JAKMIP1: variants seen among roughly 807,000 people sequenced by gnomAD.
JAKMIP1 encodes janus kinase and microtubule-interacting protein 1.
A neutral mutation model predicts 113.0 loss-of-function variants in JAKMIP1; 33 were observed. That is an observed-to-expected ratio of 0.29 (90% CI 0.22 to 0.39). The LOEUF is 0.39. Among genes scored for constraint, JAKMIP1 ranks in the 10% least tolerant of loss-of-function variants. The pLI is 1.00. For missense variants in JAKMIP1, 813 were observed against 1,080.5 expected (o/e 0.75, Z 3.47); for synonymous variants, 480 against 459.9 (o/e 1.04, Z -0.56).
At chr4:6,195,202 C>T (rs1471513785) in intron 1 of JAKMIP1, among the ~76,000 whole-genome samples, 1 of 152,194 alleles carries the variant, frequency 6.6e-6, no homozygotes, top group African/African-American at 2.4e-5. Context: ...TCAAAGCCTT[C>T]TCTGCTAAAT....
In JAKMIP1 at chr4:6,093,920, A is replaced by C. The variant is rs1298037336; in HGVS notation, c.625-8291T>G. 1.3e-5 allele frequency among the ~76,000 whole-genome samples: 2 copies of C among 152,084 alleles called. No individual in the cohort carries two copies. The highest frequency in any genetic ancestry group is 4.8e-5 in the African/African-American group (2 of 41,418). ...GAGTCCCACCTGCCCAGGAGGCTGC[A>C]AGTTCCCTCTTTTCTGCCACCCTGG... On this transcript the variant is annotated intron_variant, in intron 3 of 20. Coordinates refer to ENST00000409021, the MANE Select transcript of JAKMIP1 (RefSeq NM_001099433.2). This position sits in a 1 kb window ranked among gnomAD's most constrained non-coding sequence, Gnocchi z 4.6.
At position 6,106,228 on chromosome 4, in the gene JAKMIP1, C is replaced by G. The variant is rs1003533704; in HGVS notation, c.130-261G>C. On this transcript the variant is annotated intron_variant, in intron 2 of 20. Coordinates refer to ENST00000409021, the MANE Select transcript of JAKMIP1 (RefSeq NM_001099433.2). This position sits in a 1 kb window ranked among gnomAD's most constrained non-coding sequence, Gnocchi z 5.9. ...TGAGGATGCTGGAGAGGCATTCAAG[C>G]CTTTGACATCTCTTCCAGGTTGTAA... Among the ~76,000 whole-genome samples the G allele has an allele frequency of 5.9e-5, 9 of 152,346 alleles. No homozygotes were observed. Among genetic ancestry groups the G allele is most frequent in the Non-Finnish European group, 1.2e-4 (8 of 68,030 alleles).
At chr4:6,175,589 T>C (rs1442574759) in intron 1 of JAKMIP1, among the ~76,000 whole-genome samples, 1 of 152,162 alleles carries the variant, frequency 6.6e-6, no homozygotes, top group Non-Finnish European at 1.5e-5. Flanking sequence ...GAGATAAAAA[T>C]GGTAGCCTGC....
Position 6,129,561 on chromosome 4 carries a change from T to C in JAKMIP1, c.-147-16564A>G, listed in dbSNP as rs761391450. 6.6e-6 allele frequency among the ~76,000 whole-genome samples: 1 copy of C among 152,074 alleles called. No homozygotes were observed. Among genetic ancestry groups the C allele is most frequent in the Non-Finnish European group, 1.5e-5 (1 of 68,002 alleles). ...TGCCATGCTGGTACAGGGACCAGGA[T>C]ACCAAGCAGGACCCACCGTGCCCTG... is the stretch of plus-strand genomic sequence containing the variant. On this transcript the variant is annotated intron_variant, in intron 1 of 20. Coordinates refer to ENST00000409021, the MANE Select transcript of JAKMIP1 (RefSeq NM_001099433.2). This position sits in a 1 kb window ranked among gnomAD's most constrained non-coding sequence, Gnocchi z 5.4.
rs1717429353 is a variant in JAKMIP1, at chr4:6,062,422, C to T, written c.1450G>A (p.Ala484Thr). Residue 484 changes from alanine to threonine, a missense_variant, in exon 10 of 21, where the codon GCT (alanine) becomes ACT (threonine). Ala to Thr is a moderately conservative substitution (Grantham distance 58, BLOSUM62 0). Transcript: ENST00000409021. The stretch of plus-strand genomic sequence containing the variant: ...GTCAGCTGGCAGAAGCGCAGGTCAG[C>T]CTCCTCTCGGGCTGTGGCCTTCACA... ...DLDDATAREE[A>T]DLRFCQLTRE... is the part of the protein sequence containing the mutation. 2 of 1,613,678 alleles carry T rather than the reference C, an allele frequency of 1.2e-6. No homozygotes were observed. The highest frequency in any genetic ancestry group is 1.7e-6 in the Non-Finnish European group (2 of 1,179,826).
At position 6,042,623 on chromosome 4, in the gene JAKMIP1, G is replaced by C. The variant is rs1201090304; in HGVS notation, c.2029-396C>G. ...TCTCTTACGACCACCCCAAGCAGTA[G>C]GCAGCGTCACCCCTATTTTGCAGGT... On this transcript the variant is annotated intron_variant, in intron 16 of 20. Transcript: ENST00000409021. The surrounding 1 kb of genome is among the most constrained non-coding windows in gnomAD (Gnocchi z 5.2). Among the ~76,000 whole-genome samples the C allele has an allele frequency of 6.6e-6, 1 of 151,986 alleles. No individual in the cohort carries two copies. Among genetic ancestry groups the C allele is most frequent in the African/African-American group, 2.4e-5 (1 of 41,394 alleles).
At position 6,050,902 on chromosome 4, in the gene JAKMIP1, C is replaced by A. The variant is rs1042938665; in HGVS notation, c.1807-223G>T. Among the ~76,000 whole-genome samples, 1 of 152,212 alleles carries A rather than the reference C, an allele frequency of 6.6e-6. No individual in the cohort carries two copies. Among genetic ancestry groups the A allele is most frequent in the Non-Finnish European group, 1.5e-5 (1 of 68,052 alleles). On this transcript the variant is annotated intron_variant, in intron 13 of 20. Coordinates refer to ENST00000409021, the MANE Select transcript of JAKMIP1 (RefSeq NM_001099433.2). The surrounding 1 kb of genome is among the most constrained non-coding windows in gnomAD (Gnocchi z 7.4). ...ATGTGTTTACTTCTTCCCTATTCAT[C>A]TAGGGAGAAATGGTTAACAGGGTAC... is the stretch of plus-strand genomic sequence containing the variant.
Position 6,089,479 on chromosome 4 carries a change from T to C in JAKMIP1, c.625-3850A>G, listed in dbSNP as rs1721742423. ...CTTTAAAAGATCCTCAAAGTGGACA[T>C]CATTTACCCCAAGTTACACACAAAC... On this transcript the variant is annotated intron_variant, in intron 3 of 20. Transcript: ENST00000409021. This position sits in a 1 kb window ranked among gnomAD's most constrained non-coding sequence, Gnocchi z 5.3. Among the ~76,000 whole-genome samples, 1 of 152,290 alleles carries C rather than the reference T, an allele frequency of 6.6e-6. No homozygotes were observed. The highest frequency in any genetic ancestry group is 2.1e-4 in the South Asian group (1 of 4,814).
chr4:6,197,339 A>C lies in JAKMIP1; in HGVS notation c.-148+2914T>G, dbSNP rs572646949. Among the ~76,000 whole-genome samples the C allele has an allele frequency of 1.2e-4, 19 of 152,226 alleles. No homozygotes were observed. In the East Asian group the frequency reaches 3.7e-3, roughly 29 times the overall value. On this transcript the variant is annotated intron_variant, in intron 1 of 20. Transcript: ENST00000409021. This position sits in a 1 kb window ranked among gnomAD's most constrained non-coding sequence, Gnocchi z 6.5. Reference sequence around the variant, plus strand: ...CATCGTTAGCTAAAGAAGGACCCCAAATGTGGGCGTGGGAGTTTGCTCTGT... The same window carrying C: ...CATCGTTAGCTAAAGAAGGACCCCACATGTGGGCGTGGGAGTTTGCTCTGT...
In JAKMIP1 at chr4:6,158,761, C is replaced by A. The variant is rs1241865245; in HGVS notation, c.-148+41492G>T. On this transcript the variant is annotated intron_variant, in intron 1 of 20. Transcript: ENST00000409021. This position sits in a 1 kb window ranked among gnomAD's most constrained non-coding sequence, Gnocchi z 5.3. The stretch of plus-strand genomic sequence containing the variant: ...GATCAATGAGGCAGAAGAGAAAGCC[C>A]AAAAACAGATCCAAGGATGTACACA... Among the ~76,000 whole-genome samples the A allele has an allele frequency of 6.6e-6, 1 of 151,968 alleles. No individual in the cohort carries two copies. The highest frequency in any genetic ancestry group is 2.4e-5 in the African/African-American group (1 of 41,376).
chr4:6,180,362 C>T lies in JAKMIP1; in HGVS notation c.-148+19891G>A, dbSNP rs558916023. Among the ~76,000 whole-genome samples, 3 of 152,212 alleles carry T rather than the reference C, an allele frequency of 2.0e-5. No homozygotes were observed. Among genetic ancestry groups the T allele is most frequent in the African/African-American group, 4.8e-5 (2 of 41,518 alleles). ...AGCTTCCTTTAGAACATTCTGTGCA[C>T]GTGAAGTCTTCTTTCTTATTGAGAT... is the stretch of plus-strand genomic sequence containing the variant. On this transcript the variant is annotated intron_variant, in intron 1 of 20. Transcript: ENST00000409021. The surrounding 1 kb of genome is among the most constrained non-coding windows in gnomAD (Gnocchi z 4.5).
chr4:6,092,596 G>T (rs1370206114), intron 3 of JAKMIP1, among the ~76,000 whole-genome samples: 1 of 152,196 alleles, frequency 6.6e-6, no homozygotes, highest in African/African-American at 2.4e-5. Context: ...ACCCTTCGTC[G>T]TTATTCTGTC....
At chr4:6,085,287 C>T (rs1241450502) in intron 4 of JAKMIP1, 133 bp downstream of exon 4, 1 of 820,026 alleles carries the variant, frequency 1.2e-6, no homozygotes, top group Non-Finnish European at 1.9e-6. Context: ...CTTATAACAT[C>T]CCCTCCAATA....
At position 6,076,275 on chromosome 4, in the gene JAKMIP1, T is replaced by G. The variant is rs956752902; in HGVS notation, c.1302+2664A>C. On this transcript the variant is annotated intron_variant, in intron 8 of 20. Transcript: ENST00000409021. The surrounding 1 kb of genome is among the most constrained non-coding windows in gnomAD (Gnocchi z 4.8). ...CCACTTCCTATTTCTGAGTTTCTAA[T>G]GTCAATGTGCAGAAATTTGCCCCGT... 2.0e-5 allele frequency among the ~76,000 whole-genome samples: 3 copies of G among 152,212 alleles called. No individual in the cohort carries two copies. In the East Asian group the frequency reaches 5.8e-4, roughly 29 times the overall value.
intron 7 of JAKMIP1, 92 bp from the exon 8 acceptor site, chr4:6,079,090 T>C (rs6446452): frequency 0.12 from 165,959 of 1,342,092 alleles, 16,741 homozygotes; most frequent in African/African-American, 0.52. Flanking sequence ...GGCCTGCCCA[T>C]CCGCACCAGG....
At position 6,050,800 on chromosome 4, in the gene JAKMIP1, C is replaced by T. The variant is rs912171452; in HGVS notation, c.1807-121G>A. 26 of 739,178 alleles carry T rather than the reference C, an allele frequency of 3.5e-5. No individual in the cohort carries two copies. Among genetic ancestry groups the T allele is most frequent in the South Asian group, 3.3e-4 (19 of 57,030 alleles). 45.8% of individuals were successfully genotyped at this position (739,178 alleles called of 1,614,324 possible). A position where few individuals can be genotyped will look rare whatever the true frequency, so the allele number is the denominator to read the frequency against. On this transcript the variant is annotated intron_variant, in intron 13 of 20. Coordinates refer to ENST00000409021, the MANE Select transcript of JAKMIP1 (RefSeq NM_001099433.2). The surrounding 1 kb of genome is among the most constrained non-coding windows in gnomAD (Gnocchi z 7.4). ...TGGGCACAGACGTTACTAAAAAGCA[C>T]GAGTTCGGACTAGAAGCAGCCTCGT...
In JAKMIP1 at chr4:6,049,673, A is replaced by T; in HGVS notation, c.1962+146T>A. The T allele has an allele frequency of 6.1e-6, 4 of 655,864 alleles. No individual in the cohort carries two copies. The highest frequency in any genetic ancestry group is 1.1e-5 in the Non-Finnish European group (4 of 374,342). 40.6% of individuals were successfully genotyped at this position (655,864 alleles called of 1,614,324 possible). A position where few individuals can be genotyped will look rare whatever the true frequency, so the allele number is the denominator to read the frequency against. On this transcript the variant is annotated intron_variant, in intron 15 of 20. Transcript: ENST00000409021. This position sits in a 1 kb window ranked among gnomAD's most constrained non-coding sequence, Gnocchi z 7.0. ...ATGCCAACCCCACCACCCACACAGGAACACGGCCATACAAAAGCCTTACAT... is the reference window on the plus strand; with the variant it reads ...ATGCCAACCCCACCACCCACACAGGTACACGGCCATACAAAAGCCTTACAT...
chr4:6,151,230 C>T (rs1402933692), intron 1 of JAKMIP1, among the ~76,000 whole-genome samples: 1 of 152,186 alleles, frequency 6.6e-6, no homozygotes, highest in Non-Finnish European at 1.5e-5. Context: ...ATTTAATCCT[C>T]TCCACAACCC....
At chr4:6,087,986 G>A (rs1446527191) in intron 3 of JAKMIP1, among the ~76,000 whole-genome samples, 2 of 152,158 alleles carry the variant, frequency 1.3e-5, no homozygotes, top group Non-Finnish European at 2.9e-5. Context: ...TCCACAGGAG[G>A]AATCTTTAAA....
Sources: allele counts gnomAD v4.1 joint callset (sites outside exome capture counted in the v4.1 genomes callset), GRCh38; gene constraint gnomAD v4.1.1; non-coding constraint Gnocchi (gnomAD v3.1); transcripts MANE v1.5; gene names NCBI Gene and HGNC (gene_info 2026-07-23, HGNC 2026-07-21).